UTRN: variants seen among roughly 807,000 people sequenced by gnomAD.
UTRN encodes utrophin, also known as dystrophin-related protein 1.
A neutral mutation model predicts 463.9 loss-of-function variants in UTRN; 283 were observed. That is an observed-to-expected ratio of 0.61 (90% CI 0.55 to 0.67). The LOEUF (loss-of-function observed/expected upper bound fraction) is 0.67, where lower values mean the gene tolerates loss of function less well. Ranked by LOEUF, UTRN falls within the 30% of genes least tolerant of loss-of-function variation. The probability of loss-of-function intolerance (pLI) is 0.00; values close to 1 mark genes in which losing one functional copy is unlikely to be tolerated. For synonymous variants in UTRN, 1,442 were observed against 1,431.5 expected (o/e 1.01, Z -0.17); for missense variants, 3,922 against 4,084.3 (o/e 0.96, Z 1.08).
At chr6:144,732,390 G>T (rs1041699183) in intron 54 of UTRN, among the ~76,000 whole-genome samples, 1 of 151,248 alleles carries the variant, frequency 6.6e-6, no homozygotes, top group Non-Finnish European at 1.5e-5. Context: ...AGCCTTTTGT[G>T]TGTAGACTTA....
At chr6:144,410,504 T>C (rs1783789429) in intron 3 of UTRN, among the ~76,000 whole-genome samples, 1 of 152,120 alleles carries the variant, frequency 6.6e-6, no homozygotes, top group Non-Finnish European at 1.5e-5. Context: ...GGTGAGGTTT[T>C]GATGCACCCA....
chr6:144,709,510 A>G (rs1180734860), intron 53 of UTRN, among the ~76,000 whole-genome samples: 1 of 152,206 alleles, frequency 6.6e-6, no homozygotes, highest in Non-Finnish European at 1.5e-5. Context: ...ATGGCTTGAT[A>G]CTAATATTAG....
chr6:144,309,339 T>C (rs1405736781), intron 2 of UTRN, among the ~76,000 whole-genome samples: 1 of 152,230 alleles, frequency 6.6e-6, no homozygotes, highest in Non-Finnish European at 1.5e-5. Context: ...CTGAACTGCA[T>C]ACTTGCATTT....
chr6:144,552,117 T>C (rs549001561), intron 48 of UTRN, among the ~76,000 whole-genome samples: 15 of 152,366 alleles, frequency 9.8e-5, no homozygotes, highest in African/African-American at 3.6e-4. Flanking sequence ...AACTACCTAA[T>C]AAATATTTGT....
rs200484231 is a variant in UTRN, at chr6:144,301,536, CTTTTTTTTTTT to C, written c.79+9644_79+9654del. The stretch of plus-strand genomic sequence containing the variant: ...CATGCCATCCTATCTTTCTTTCTTT[CTTTTTTTTTTT>C]TTTTTTTTTTTTTTGAGACAGGGTC... On this transcript the variant is annotated intron_variant, in intron 2 of 74. Coordinates refer to ENST00000367545, the MANE Select transcript of UTRN (RefSeq NM_007124.3). Among the ~76,000 whole-genome samples, 17 of 92,764 alleles carry C rather than the reference CTTTTTTTTTTT, an allele frequency of 1.8e-4. No individual in the cohort carries two copies. The South Asian group carries it at 2.8e-3, about 15-fold the overall frequency. The allele number at this position is 92,764 out of a possible 152,430, so 60.9% of individuals were successfully genotyped here. A position where few individuals can be genotyped will look rare whatever the true frequency, so the allele number is the denominator to read the frequency against.
At chr6:144,539,676 A>G (rs1452739360) in intron 45 of UTRN, among the ~76,000 whole-genome samples, 1 of 152,206 alleles carries the variant, frequency 6.6e-6, no homozygotes. Context: ...TATATACTAC[A>G]TTAAATAATG....
intron 2 of UTRN, among the ~76,000 whole-genome samples, chr6:144,333,693 C>T (rs1270409226): frequency 3.3e-5 from 5 of 152,004 alleles, no homozygotes; most frequent in Admixed American, 1.3e-4. Context: ...CAGGGGTGGA[C>T]GGTTTGCATC....
At chr6:144,377,404 A>G (rs776892332) in intron 2 of UTRN, among the ~76,000 whole-genome samples, 8 of 152,208 alleles carry the variant, frequency 5.3e-5, no homozygotes, top group African/African-American at 9.7e-5. Context: ...TGAGTTTATC[A>G]TATTCTATCA....
intron 62 of UTRN, 78 bp downstream of exon 62, chr6:144,789,357 A>G: frequency 5.6e-6 from 7 of 1,251,360 alleles, no homozygotes; most frequent in Non-Finnish European, 6.7e-6. Flanking sequence ...AACTTAAATT[A>G]TATAATTTGT....
At chr6:144,455,663 T>C (rs367812172) in intron 19 of UTRN, among the ~76,000 whole-genome samples, 7 of 152,144 alleles carry the variant, frequency 4.6e-5, no homozygotes, top group Admixed American at 3.9e-4. Context: ...TAACAGTGAT[T>C]GGGGGAATGG....
chr6:144,493,596 C>A, intron 33 of UTRN, 140 bp downstream of exon 33: 2 of 879,108 alleles, frequency 2.3e-6, no homozygotes, highest in Non-Finnish European at 3.3e-6. Context: ...GAGATTCATA[C>A]GTGTTTTCAA....
chr6:144,493,440 A>G lies in UTRN; in HGVS notation c.4577A>G (p.Asn1526Ser). ...CTGACTTCCCTGAAGGTTCTTTACA[A>G]TGACCTGGGCGCACAGGTGAGGAGA... ...EQLTSLKVLYNDLGAQVTEGK... is the reference protein window; with the variant it reads ...EQLTSLKVLYSDLGAQVTEGK... The change falls in exon 33 of 75, where the codon AAT becomes AGT. Residue 1526 changes from asparagine (N) to serine (S), a missense_variant. This residue lies in a region of UTRN where 2,349 missense variants were observed against 2,303.8 expected (regional missense o/e 1.02). Coordinates refer to ENST00000367545, the MANE Select transcript of UTRN (RefSeq NM_007124.3). 6.2e-7 allele frequency: 1 copy of G among 1,613,854 alleles called. No individual in the cohort carries two copies. The highest frequency in any genetic ancestry group is 8.5e-7 in the Non-Finnish European group (1 of 1,179,854).
intron 13 of UTRN, among the ~76,000 whole-genome samples, chr6:144,441,871 TGCCAA>T (rs1787203983): frequency 6.6e-6 from 1 of 152,218 alleles, no homozygotes; most frequent in Admixed American, 6.5e-5. Context: ...ACATGGAAGC[TGCCAA>T]GGCTTGTGGC....
At position 144,750,515 on chromosome 6, in the gene UTRN, T is replaced by C. The variant is rs902642230; in HGVS notation, c.8209-1291T>C. Among the ~76,000 whole-genome samples, 12 of 152,116 alleles carry C rather than the reference T, an allele frequency of 7.9e-5. No homozygotes were observed. In the East Asian group the frequency reaches 2.3e-3, roughly 29 times the overall value. ...CATAGTTCTCACCCTGACTCTAGTC[T>C]CTTAAAGAGACTTAAAGAGCCTCCC... On this transcript the variant is annotated intron_variant, in intron 55 of 74. Coordinates refer to ENST00000367545, the MANE Select transcript of UTRN (RefSeq NM_007124.3).
intron 64 of UTRN, among the ~76,000 whole-genome samples, chr6:144,802,074 A>G (rs893836228): frequency 2.0e-5 from 3 of 152,226 alleles, no homozygotes; most frequent in Non-Finnish European, 2.9e-5. Flanking sequence ...TATGTTACCA[A>G]TGAAAAAGAG....
chr6:144,608,194 G>A (rs550997708), intron 51 of UTRN, among the ~76,000 whole-genome samples: 2 of 152,268 alleles, frequency 1.3e-5, no homozygotes, highest in East Asian at 1.9e-4. Flanking sequence ...CCAATCAGTT[G>A]AAGGCCTTAA....
At position 144,790,465 on chromosome 6, in the gene UTRN, A is replaced by G. The variant is rs11962208; in HGVS notation, c.8920+1186A>G. On this transcript the variant is annotated intron_variant, in intron 62 of 74. Coordinates refer to ENST00000367545, the MANE Select transcript of UTRN (RefSeq NM_007124.3). ...ATTTCTGTGAGGTTATTGGATTTTG[A>G]ATTTCAGGTCTAGACCATGATGGCT... Among the ~76,000 whole-genome samples, 473 of 152,322 alleles carry G rather than the reference A, an allele frequency of 3.1e-3. 2 individuals carry two copies. The highest frequency in any genetic ancestry group is 0.011 in the African/African-American group (448 of 41,578).
chr6:144,501,982 A>G (rs1794228386), intron 34 of UTRN, among the ~76,000 whole-genome samples: 2 of 151,942 alleles, frequency 1.3e-5, no homozygotes, highest in African/African-American at 2.4e-5. Context: ...ATTTTTTATC[A>G]CCAAATTGGT....
chr6:144,834,499 C>T (rs1167414139), intron 69 of UTRN, among the ~76,000 whole-genome samples: 1 of 152,166 alleles, frequency 6.6e-6, no homozygotes, highest in Non-Finnish European at 1.5e-5. Context: ...TAAACCTTTT[C>T]TAGGAATTCA....
Sources: allele counts gnomAD v4.1 joint callset (sites outside exome capture counted in the v4.1 genomes callset), GRCh38; gene constraint gnomAD v4.1.1; regional missense constraint gnomAD v4.1.1; transcripts MANE v1.5; gene names NCBI Gene and HGNC (gene_info 2026-07-23, HGNC 2026-07-21).